Variants in EEFSEC observed in about 807,000 individuals in gnomAD.
EEFSEC encodes eukaryotic elongation factor, selenocysteine-tRNA specific, also known as selenocysteine-specific elongation factor.
A neutral mutation model predicts 42.1 loss-of-function variants in EEFSEC; 43 were observed. That is an observed-to-expected ratio of 1.02 (90% CI 0.80 to 1.32). The LOEUF is 1.32. Ranked by LOEUF, EEFSEC falls within the 40% of genes most tolerant of loss-of-function variation. EEFSEC has a pLI of 0.00. For missense variants in EEFSEC, 745 were observed against 803.6 expected, an observed-to-expected ratio of 0.93 and a Z score of 0.88; for synonymous variants, 354 against 339.1, an observed-to-expected ratio of 1.04 and a Z score of -0.48.
the EEFSEC span, among the ~76,000 whole-genome samples, chr3:128,419,900 A>G: frequency 2.6e-5 from 4 of 152,202 alleles, no homozygotes; most frequent in African/African-American, 4.8e-5. Flanking sequence ...AGACACCCCC[A>G]TGGGGTTTGT....
At chr3:128,259,315 A>G (rs541997688) in intron 2 of EEFSEC, among the ~76,000 whole-genome samples, 30 of 152,336 alleles carry the variant, frequency 2.0e-4, no homozygotes, top group Middle Eastern at 3.4e-3. Flanking sequence ...CTGAAAATAC[A>G]TTGGGTATAC....
intron 4 of EEFSEC, among the ~76,000 whole-genome samples, chr3:128,311,786 GC>G (rs1283582910): frequency 6.6e-6 from 1 of 152,166 alleles, no homozygotes; most frequent in African/African-American, 2.4e-5. Flanking sequence ...TGCAAGGGAC[GC>G]CCTTTCCAGC....
At chr3:128,201,125 A>G (rs1309004501) in intron 1 of EEFSEC, among the ~76,000 whole-genome samples, 1 of 152,202 alleles carries the variant, frequency 6.6e-6, no homozygotes, top group Non-Finnish European at 1.5e-5. Flanking sequence ...ATTAGCCTTG[A>G]AATAATGAGT....
At chr3:128,320,379 G>A (rs1197261228) in intron 4 of EEFSEC, among the ~76,000 whole-genome samples, 3 of 152,156 alleles carry the variant, frequency 2.0e-5, no homozygotes, top group Non-Finnish European at 4.4e-5. Context: ...AGTTTTAATC[G>A]CTAATTTATA....
chr3:128,283,811 C>T (rs892938010), intron 4 of EEFSEC, among the ~76,000 whole-genome samples: 2 of 152,170 alleles, frequency 1.3e-5, no homozygotes, highest in African/African-American at 4.8e-5. Context: ...GTTTTGTTTC[C>T]AGTCTTAGAC....
At chr3:128,319,846 C>A (rs12486127) in intron 4 of EEFSEC, among the ~76,000 whole-genome samples, 20,552 of 152,266 alleles carry the variant, frequency 0.13, 1,684 homozygotes, top group South Asian at 0.25. Flanking sequence ...AATAGGTGCT[C>A]AGGAAATGGC....
intron 3 of EEFSEC, among the ~76,000 whole-genome samples, chr3:128,262,906 G>A (rs1022668156): frequency 2.0e-5 from 3 of 152,198 alleles, no homozygotes; most frequent in Non-Finnish European, 4.4e-5. Context: ...TCAGCCGGGT[G>A]GAGTAGCAAC....
chr3:128,349,372 C>T (rs1338186140), intron 5 of EEFSEC, among the ~76,000 whole-genome samples: 6 of 152,188 alleles, frequency 3.9e-5, no homozygotes, highest in African/African-American at 7.2e-5. Context: ...ATCCCAGTCT[C>T]GCCCTGAGGC....
the EEFSEC span, among the ~76,000 whole-genome samples, chr3:128,423,155 T>C: frequency 2.6e-5 from 4 of 152,250 alleles, no homozygotes; most frequent in African/African-American, 7.2e-5. Flanking sequence ...AAATGCTTCA[T>C]GGCAGTCACT....
chr3:128,197,233 A>G (rs1467875777), intron 1 of EEFSEC, among the ~76,000 whole-genome samples: 1 of 152,158 alleles, frequency 6.6e-6, no homozygotes, highest in Non-Finnish European at 1.5e-5. Flanking sequence ...AGGTTGGATT[A>G]TTTGCTGGGG....
At chr3:128,358,473 A>G in intron 6 of EEFSEC, 100 bp downstream of exon 6, 3 of 1,520,206 alleles carry the variant, frequency 2.0e-6, no homozygotes, top group Non-Finnish European at 2.7e-6. Flanking sequence ...TAGGTTCCTA[A>G]TCCTGCCTTT....
intron 4 of EEFSEC, among the ~76,000 whole-genome samples, chr3:128,306,731 C>A (rs903461282): frequency 6.6e-6 from 1 of 152,264 alleles, no homozygotes; most frequent in African/African-American, 2.4e-5. Context: ...TATATCTTCT[C>A]ATTTAATTCA....
intron 1 of EEFSEC, among the ~76,000 whole-genome samples, chr3:128,168,112 A>G (rs990433287): frequency 6.6e-6 from 1 of 152,210 alleles, no homozygotes; most frequent in African/African-American, 2.4e-5. Flanking sequence ...ACTCTGAGAC[A>G]GGACGAGCAC....
chr3:128,207,886 T>C (rs768953920), intron 1 of EEFSEC, among the ~76,000 whole-genome samples: 35 of 152,298 alleles, frequency 2.3e-4, no homozygotes, highest in Admixed American at 1.3e-3. Context: ...CCAAATGAAC[T>C]TCTGGTCTGA....
chr3:128,227,549 TG>T, intron 1 of EEFSEC, among the ~76,000 whole-genome samples: 1 of 152,176 alleles, frequency 6.6e-6, no homozygotes, highest in Non-Finnish European at 1.5e-5. Context: ...CTCTGTGGCT[TG>T]GGGACCCATT....
At chr3:128,379,395 G>A (rs901263313) in intron 6 of EEFSEC, among the ~76,000 whole-genome samples, 2 of 152,164 alleles carry the variant, frequency 1.3e-5, no homozygotes, top group Admixed American at 6.5e-5. Context: ...TTGAAACAAA[G>A]ACAATGATAT....
chr3:128,221,388 G>A (rs2065859892), intron 1 of EEFSEC, among the ~76,000 whole-genome samples: 1 of 152,212 alleles, frequency 6.6e-6, no homozygotes, highest in African/African-American at 2.4e-5. Context: ...AAGACAAGAA[G>A]TTGCCTGTAA....
chr3:128,187,158 A>C (rs1208384795), intron 1 of EEFSEC, among the ~76,000 whole-genome samples: 1 of 152,226 alleles, frequency 6.6e-6, no homozygotes, highest in Non-Finnish European at 1.5e-5. Context: ...ATACTCTGCT[A>C]TACAGGAGTG....
intron 4 of EEFSEC, among the ~76,000 whole-genome samples, chr3:128,323,378 G>A (rs899619403): frequency 3.9e-5 from 6 of 152,178 alleles, no homozygotes; most frequent in South Asian, 2.1e-4. Context: ...ACAGTGGAAC[G>A]AAGGGATCCT....
Sources: gnomAD v4.1 joint callset for allele counts (sites outside exome capture counted in the v4.1 genomes callset) on GRCh38, gnomAD v4.1.1 for gene constraint, MANE v1.5 for transcripts, NCBI Gene and HGNC (gene_info 2026-07-23, HGNC 2026-07-21) for gene names.